Variants in PCGF5 observed in about 807,000 individuals in gnomAD.
The protein encoded by PCGF5 is polycomb group ring finger 5.
In PCGF5, 9 loss-of-function variants were observed where a neutral mutation model predicts 44.3. The observed-to-expected ratio is 0.20, with a 90% CI of 0.12 to 0.35. PCGF5 has a LOEUF of 0.35. Ranked by LOEUF, PCGF5 falls within the 10% of genes least tolerant of loss-of-function variation. The pLI, the probability that PCGF5 is intolerant of heterozygous loss-of-function variation, is 1.00. For missense variants in PCGF5, 146 were observed against 305.3 expected, an observed-to-expected ratio of 0.48 and a Z score of 3.89; for synonymous variants, 95 against 102.5, an observed-to-expected ratio of 0.93 and a Z score of 0.44.
At chr10:91,231,651 G>T (rs1232076044) in intron 2 of PCGF5, among the ~76,000 whole-genome samples, 1 of 152,222 alleles carries the variant, frequency 6.6e-6, no homozygotes, top group Non-Finnish European at 1.5e-5. Flanking sequence ...TTCTTGTAGA[G>T]CCATCTTAAG....
At chr10:91,211,749 C>T (rs1361027657) in intron 1 of PCGF5, among the ~76,000 whole-genome samples, 1 of 152,150 alleles carries the variant, frequency 6.6e-6, no homozygotes, top group Non-Finnish European at 1.5e-5. Flanking sequence ...TAAGCAGAAG[C>T]TAGAGGTTGG....
chr10:91,195,475 TATATATATATAG>T (rs1844115252), intron 1 of PCGF5, among the ~76,000 whole-genome samples: 1 of 107,772 alleles, frequency 9.3e-6, no homozygotes, highest in African/African-American at 3.7e-5. Flanking sequence ...TGCATGCATA[TATATATATATAG>T]AGAGAGAGAG....
intron 1 of PCGF5, among the ~76,000 whole-genome samples, chr10:91,222,467 T>G (rs1844708404): frequency 6.6e-6 from 1 of 152,108 alleles, no homozygotes; most frequent in Non-Finnish European, 1.5e-5. Context: ...TTGGGTGTCA[T>G]TAGTATAGAG....
upstream of PCGF5, among the ~76,000 whole-genome samples, chr10:91,219,450 C>T (rs1000322293): frequency 1.3e-5 from 2 of 152,178 alleles, no homozygotes; most frequent in Non-Finnish European, 2.9e-5. Flanking sequence ...TTTAAACACA[C>T]TAGAAGTAGT....
upstream of PCGF5, among the ~76,000 whole-genome samples, chr10:91,217,849 C>A (rs938231283): frequency 1.3e-5 from 2 of 152,188 alleles, no homozygotes; most frequent in African/African-American, 4.8e-5. Context: ...TGCAATGGCG[C>A]GATCTTGGCT....
At chr10:91,188,204 C>CG (rs1843961673) in intron 1 of PCGF5, among the ~76,000 whole-genome samples, 1 of 152,130 alleles carries the variant, frequency 6.6e-6, no homozygotes, top group Non-Finnish European at 1.5e-5. Context: ...AGACAGTGGG[C>CG]GCAGGACAGT....
intron 2 of PCGF5, among the ~76,000 whole-genome samples, chr10:91,232,611 T>G (rs937485051): frequency 1.3e-5 from 2 of 152,172 alleles, no homozygotes; most frequent in Non-Finnish European, 2.9e-5. Context: ...TAGGTCATGG[T>G]GACAGGATCT....
chr10:91,221,357 G>A (rs1844673927), intron 1 of PCGF5, among the ~76,000 whole-genome samples: 1 of 152,196 alleles, frequency 6.6e-6, no homozygotes, highest in Non-Finnish European at 1.5e-5. Context: ...TGTGGGAAAG[G>A]CAAGGCAGTT....
At chr10:91,257,824 T>A (rs771501110) in intron 6 of PCGF5, among the ~76,000 whole-genome samples, 9 of 152,076 alleles carry the variant, frequency 5.9e-5, no homozygotes, top group Non-Finnish European at 1.3e-4. Flanking sequence ...ATAAAAGAAT[T>A]GAAAACATGT....
chr10:91,176,673 T>A (rs545667119), intron 1 of PCGF5, among the ~76,000 whole-genome samples: 26 of 152,360 alleles, frequency 1.7e-4, no homozygotes, highest in African/African-American at 6.3e-4. Flanking sequence ...CCATCACTGA[T>A]ACCCTTTCTT....
chr10:91,203,520 A>G (rs1029819347), intron 1 of PCGF5, among the ~76,000 whole-genome samples: 4 of 152,200 alleles, frequency 2.6e-5, no homozygotes, highest in African/African-American at 9.7e-5. Context: ...ATCTTATTTC[A>G]GTATTCTGTA....
chr10:91,207,354 A>C (rs556384989), intron 1 of PCGF5, among the ~76,000 whole-genome samples: 1 of 152,198 alleles, frequency 6.6e-6, no homozygotes, highest in Non-Finnish European at 1.5e-5. Flanking sequence ...AAAGTTGCCA[A>C]AATCTTTCAA....
At chr10:91,161,300 C>T (rs1392645377), upstream of PCGF5, among the ~76,000 whole-genome samples, 1 of 152,032 alleles carries the variant, frequency 6.6e-6, no homozygotes, top group Non-Finnish European at 1.5e-5. Context: ...TTGCTATTGA[C>T]TCGCTTGGGA....
chr10:91,271,767 T>C, intron 9 of PCGF5, 70 bp downstream of exon 9: 1 of 1,313,222 alleles, frequency 7.6e-7, no homozygotes, highest in Non-Finnish European at 1.1e-6. Context: ...CATCCCAAAC[T>C]CAATTCCTAA....
intron 2 of PCGF5, among the ~76,000 whole-genome samples, chr10:91,229,414 A>C (rs1366991245): frequency 6.6e-6 from 1 of 152,190 alleles, no homozygotes; most frequent in Non-Finnish European, 1.5e-5. Flanking sequence ...AGGAAGGATC[A>C]ATCTATGAAA....
intron 1 of PCGF5, among the ~76,000 whole-genome samples, chr10:91,189,044 T>C (rs1843980154): frequency 6.6e-6 from 1 of 152,228 alleles, no homozygotes; most frequent in Non-Finnish European, 1.5e-5. Context: ...TAAGATTAGC[T>C]AGCATGTGGC....
upstream of PCGF5, among the ~76,000 whole-genome samples, chr10:91,162,536 C>T (rs547720564): frequency 1.0e-3 from 155 of 152,198 alleles, 1 homozygote; most frequent in African/African-American, 3.5e-3. Context: ...TCGAAGTCTC[C>T]GGCCTGAGAA....
chr10:91,240,618 T>C lies in PCGF5; in HGVS notation c.209+38T>C, dbSNP rs912268547. 2.3e-6 allele frequency: 3 copies of C among 1,330,810 alleles called. No individual in the cohort carries two copies. The African/African-American group carries it at 4.4e-5, about 19-fold the overall frequency. 82.4% of individuals were successfully genotyped at this position (1,330,810 alleles called of 1,614,324 possible). A position where few individuals can be genotyped will look rare whatever the true frequency, so the allele number is the denominator to read the frequency against. ...TATTTTACAGTTCATCTAATTTACA[T>C]AAATTGAATAGGCTCTTAATTTTTA... On this transcript the variant is annotated intron_variant, in intron 3 of 9. Transcript: ENST00000336126.
At chr10:91,236,208 C>G (rs1294874241) in intron 2 of PCGF5, among the ~76,000 whole-genome samples, 5 of 152,124 alleles carry the variant, frequency 3.3e-5, no homozygotes, top group African/African-American at 4.8e-5. Flanking sequence ...GCTGCGCAGC[C>G]CAGGGATGGA....
Sources: gnomAD v4.1 joint callset for allele counts (sites outside exome capture counted in the v4.1 genomes callset) on GRCh38, gnomAD v4.1.1 for gene constraint, MANE v1.5 for transcripts, NCBI Gene and HGNC (gene_info 2026-07-23, HGNC 2026-07-21) for gene names.